FRAS1: variants seen among roughly 807,000 people sequenced by gnomAD.
FRAS1 encodes Fraser extracellular matrix complex subunit 1.
FRAS1 carries 290 observed loss-of-function variants against 435.2 expected under a neutral mutation model. That is an observed-to-expected ratio of 0.67 (90% CI 0.61 to 0.73). The LOEUF is 0.73. FRAS1 is among the 30% of genes least tolerant of loss of function. FRAS1 has a pLI of 0.00. For synonymous variants in FRAS1, 1,800 were observed against 1,851.0 expected (o/e 0.97, Z 0.71); for missense variants, 4,860 against 5,001.5 (o/e 0.97, Z 0.85).
intron 10 of FRAS1, 91 bp from the exon 11 acceptor site, chr4:78,281,307 G>T: frequency 2.4e-6 from 2 of 830,330 alleles, no homozygotes; most frequent in Non-Finnish European, 3.7e-6. Flanking sequence ...ATGTTCCTTG[G>T]GAAAAATGGA....
intron 2 of FRAS1, among the ~76,000 whole-genome samples, chr4:78,088,675 A>G (rs1295912290): frequency 2.6e-5 from 4 of 152,196 alleles, no homozygotes; most frequent in Non-Finnish European, 5.9e-5. Context: ...AACACATGAA[A>G]AAATGCTCAT....
rs1402511441 is a variant in FRAS1 at position 78,452,483 on chromosome 4, TTTGACCA to T, written c.6763+132_6763+138del. 4.3e-6 allele frequency: 3 copies of T among 704,284 alleles called. No homozygotes were observed. The African/African-American group carries it at 5.4e-5, about 13-fold the overall frequency. 43.6% of individuals were successfully genotyped at this position (704,284 alleles called of 1,614,324 possible). A position where few individuals can be genotyped will look rare whatever the true frequency, so the allele number is the denominator to read the frequency against. ...CATATTTATTTTCTGCCTCACTAAT[TTTGACCA>T]TTATACACTGGCTTGTATTATACTT... On this transcript the variant is annotated intron_variant, in intron 47 of 73. Transcript: ENST00000512123.
In FRAS1 at chr4:78,372,700, T is replaced by C. The variant is rs1731562882; in HGVS notation, c.2870-18T>C. 13 of 1,611,638 alleles carry C rather than the reference T, an allele frequency of 8.1e-6. No homozygotes were observed. The highest frequency in any genetic ancestry group is 1.7e-5 in the Admixed American group (1 of 60,000). On this transcript the variant is annotated intron_variant, in intron 23 of 73. Transcript: ENST00000512123. ...GTGGACAGAAAGGAAGATAATCTAA[T>C]GCAGACTTTCTTTTTAGAGTGTGAT...
intron 66 of FRAS1, among the ~76,000 whole-genome samples, chr4:78,517,147 G>GATTTACAGTAATT (rs1721237190): frequency 6.6e-6 from 1 of 152,138 alleles, no homozygotes; most frequent in African/African-American, 2.4e-5. Context: ...ATTATAGAGG[G>GATTTACAGTAATT]ATTTACAGTA....
intron 2 of FRAS1, among the ~76,000 whole-genome samples, chr4:78,117,635 C>G (rs1718711634): frequency 6.6e-6 from 1 of 152,090 alleles, no homozygotes; most frequent in Non-Finnish European, 1.5e-5. Context: ...GCTACTGAGG[C>G]TTGCATTCAT....
chr4:78,297,109 G>A lies in FRAS1; in HGVS notation c.1534+10570G>A, dbSNP rs369668941. ...ATTTGTGAGATGAGAATGAAAGCTGGCAGTTGCCACAAACTGGATAATAAC... is the reference window on the plus strand; with the variant it reads ...ATTTGTGAGATGAGAATGAAAGCTGACAGTTGCCACAAACTGGATAATAAC... On this transcript the variant is annotated intron_variant, in intron 14 of 73. Coordinates refer to ENST00000512123, the MANE Select transcript of FRAS1 (RefSeq NM_025074.7). Among the ~76,000 whole-genome samples the A allele has an allele frequency of 4.1e-4, 63 of 152,294 alleles. No individual in the cohort carries two copies. In the East Asian group the frequency reaches 6.7e-3, roughly 16 times the overall value.
chr4:78,254,457 T>C (rs962546536), intron 5 of FRAS1, among the ~76,000 whole-genome samples: 2 of 152,190 alleles, frequency 1.3e-5, no homozygotes, highest in Non-Finnish European at 2.9e-5. Flanking sequence ...GCTTGCCTGA[T>C]GCATTTCAGA....
At chr4:78,492,225 G>T (rs1213743094) in intron 59 of FRAS1, among the ~76,000 whole-genome samples, 1 of 152,186 alleles carries the variant, frequency 6.6e-6, no homozygotes, top group African/African-American at 2.4e-5. Flanking sequence ...ACTGCCCAAA[G>T]TAATTTATAG....
At chr4:78,196,198 G>A (rs1051919873) in intron 2 of FRAS1, among the ~76,000 whole-genome samples, 15 of 151,884 alleles carry the variant, frequency 9.9e-5, no homozygotes, top group Admixed American at 5.2e-4. Context: ...TAGTAGAGAT[G>A]GGGTTTCACC....
intron 2 of FRAS1, among the ~76,000 whole-genome samples, chr4:78,102,493 T>G (rs575961804): frequency 2.6e-5 from 4 of 152,324 alleles, no homozygotes; most frequent in Admixed American, 6.5e-5. Flanking sequence ...ACACTGGGTA[T>G]GAACTTTACT....
intron 2 of FRAS1, among the ~76,000 whole-genome samples, chr4:78,194,650 G>A (rs977052429): frequency 2.6e-4 from 39 of 151,962 alleles, no homozygotes; most frequent in Non-Finnish European, 5.4e-4. Flanking sequence ...TCTCTGAATT[G>A]GTTATTCTGG....
At chr4:78,249,482 C>G (rs1725432212) in intron 4 of FRAS1, among the ~76,000 whole-genome samples, 1 of 151,792 alleles carries the variant, frequency 6.6e-6, no homozygotes, top group Admixed American at 6.6e-5. Context: ...GCCACCACAC[C>G]CAGCTAATTT....
chr4:78,182,020 G>A (rs1722032989), intron 2 of FRAS1: 7 of 1,533,462 alleles, frequency 4.6e-6, no homozygotes, highest in East Asian at 2.3e-5. Flanking sequence ...CCACACAGCC[G>A]AAGCCTTCCT....
chr4:78,110,461 T>C (rs1344824661), intron 2 of FRAS1, among the ~76,000 whole-genome samples: 1 of 91,692 alleles, frequency 1.1e-5, no homozygotes, highest in Non-Finnish European at 2.1e-5. Flanking sequence ...TCTACAACTA[T>C]CTGATCTTTG....
chr4:78,355,722 G>A (rs142865513), intron 20 of FRAS1, among the ~76,000 whole-genome samples: 13 of 152,232 alleles, frequency 8.5e-5, no homozygotes, highest in East Asian at 3.9e-4. Context: ...AACAGTGACC[G>A]TATACACTTC....
Position 78,375,782 on chromosome 4 carries a change from T to C in FRAS1, c.3195T>C (p.Cys1065=), listed in dbSNP as rs748501816. The part of the protein sequence containing the change: ...GCLQCSHRDR[C]HLCDHGFFLK... ...TGCAGTGCAGCCACAGGGACCGTTG[T>C]CACCTCTGTGACCATGGGTTCTTTC... The change falls in exon 26 of 74, where the codon TGT becomes TGC. Residue 1065 remains cysteine (C), a synonymous_variant. Transcript: ENST00000512123. 7 of 1,611,530 alleles carry C rather than the reference T, an allele frequency of 4.3e-6. No homozygotes were observed. The South Asian group carries it at 7.7e-5, about 18-fold the overall frequency.
intron 9 of FRAS1, among the ~76,000 whole-genome samples, chr4:78,270,565 C>G: frequency 6.9e-6 from 1 of 145,042 alleles, no homozygotes; most frequent in East Asian, 2.0e-4. Context: ...GCCACCACCA[C>G]CACCCCAGCC....
At chr4:78,240,967 GA>G (rs1288661695) in intron 3 of FRAS1, among the ~76,000 whole-genome samples, 3 of 152,196 alleles carry the variant, frequency 2.0e-5, no homozygotes, top group Non-Finnish European at 4.4e-5. Flanking sequence ...GAGTAAGTGG[GA>G]GGAGAACTTA....
chr4:78,068,762 A>G (rs1740184612), intron 2 of FRAS1: 2 of 350,382 alleles, frequency 5.7e-6, no homozygotes, highest in Admixed American at 7.7e-5. Context: ...AAATATTTCA[A>G]AATCTAGAGA....
Sources: allele counts gnomAD v4.1 joint callset (sites outside exome capture counted in the v4.1 genomes callset), GRCh38; gene constraint gnomAD v4.1.1; transcripts MANE v1.5; gene names NCBI Gene and HGNC (gene_info 2026-07-23, HGNC 2026-07-21).